NCKAP5: variants seen among roughly 807,000 people sequenced by gnomAD.
NCKAP5 encodes NCK associated protein 5, also known as nck-associated protein 5.
NCKAP5 carries 92 observed loss-of-function variants against 167.0 expected under a neutral mutation model. That is an observed-to-expected ratio of 0.55 (90% CI 0.47 to 0.66). The LOEUF is 0.66. Among genes scored for constraint, NCKAP5 ranks in the 30% least tolerant of loss-of-function variants. The pLI, the probability that NCKAP5 is intolerant of heterozygous loss-of-function variation, is 0.00. For missense variants in NCKAP5, 2,378 were observed against 2,315.0 expected (o/e 1.03, Z -0.56); for synonymous variants, 891 against 877.4 (o/e 1.02, Z -0.27).
intron 3 of NCKAP5, among the ~76,000 whole-genome samples, chr2:133,324,656 C>G (rs972406193): frequency 4.6e-5 from 7 of 152,182 alleles, no homozygotes; most frequent in Non-Finnish European, 8.8e-5. Context: ...CACATGAGCA[C>G]CAGTTGTAAC....
intron 3 of NCKAP5, among the ~76,000 whole-genome samples, chr2:133,490,229 C>T (rs2151346447): frequency 1.3e-5 from 2 of 152,344 alleles, no homozygotes; most frequent in South Asian, 2.1e-4. Flanking sequence ...GCAACCCTCA[C>T]TCTCATTTCC....
intron 8 of NCKAP5, among the ~76,000 whole-genome samples, chr2:132,898,915 T>A (rs1230356753): frequency 1.3e-5 from 2 of 152,238 alleles, no homozygotes; most frequent in South Asian, 4.1e-4. Flanking sequence ...AAATGGTATA[T>A]GAGCATTGGC....
At chr2:132,820,540 G>T (rs1686648337) in intron 11 of NCKAP5, among the ~76,000 whole-genome samples, 1 of 151,430 alleles carries the variant, frequency 6.6e-6, no homozygotes, top group Admixed American at 6.6e-5. Context: ...TGTTTTTTTT[G>T]TTTTTTGTTT....
chr2:133,236,769 A>G (rs1309743433), intron 4 of NCKAP5, among the ~76,000 whole-genome samples: 1 of 152,222 alleles, frequency 6.6e-6, no homozygotes, highest in African/African-American at 2.4e-5. Flanking sequence ...AAGTAAATCC[A>G]ATTAAAATGG....
intron 6 of NCKAP5, among the ~76,000 whole-genome samples, chr2:133,052,900 T>C (rs2079654733): frequency 6.6e-6 from 1 of 151,814 alleles, no homozygotes; most frequent in Non-Finnish European, 1.5e-5. Context: ...TTTTGAAGGG[T>C]AAAAGAAAAT....
At chr2:133,487,402 G>A (rs1386487613) in intron 3 of NCKAP5, among the ~76,000 whole-genome samples, 4 of 152,134 alleles carry the variant, frequency 2.6e-5, no homozygotes, top group Admixed American at 2.0e-4. Context: ...AGTGGGAGCT[G>A]TAAAAGTCAA....
intron 4 of NCKAP5, among the ~76,000 whole-genome samples, chr2:133,250,257 G>T (rs1443309984): frequency 6.6e-6 from 1 of 152,096 alleles, no homozygotes; most frequent in African/African-American, 2.4e-5. Flanking sequence ...ACGTGAGGGT[G>T]AGGCAGCCAG....
At position 132,783,365 on chromosome 2, in the gene NCKAP5, C is replaced by T. The variant is rs1297645193; in HGVS notation, c.3446G>A (p.Gly1149Glu). The change falls in exon 14 of 20, where the codon GGA becomes GAA. Residue 1149 changes from glycine to glutamate, a missense_variant. Transcript: ENST00000409261. ...EKGLKTRLPV[G>E]LKVLMKSPQL... ...GGGAGACTTCATGAGCACTTTGAGT[C>T]CCACTGGAAGGCGAGTTTTCAGTCC... 1 of 1,610,240 alleles carries T rather than the reference C, an allele frequency of 6.2e-7. No homozygotes were observed. Among genetic ancestry groups the T allele is most frequent in the Non-Finnish European group, 8.5e-7 (1 of 1,178,432 alleles).
intron 6 of NCKAP5, among the ~76,000 whole-genome samples, chr2:133,029,688 G>T (rs555503236): frequency 1.7e-4 from 26 of 152,238 alleles, no homozygotes; most frequent in African/African-American, 6.3e-4. Context: ...CCCCTGAAAT[G>T]AGCGCTACTT....
intron 19 of NCKAP5, among the ~76,000 whole-genome samples, chr2:132,688,985 C>CAAAAAA (rs34015551): frequency 7.5e-5 from 5 of 66,314 alleles, no homozygotes; most frequent in Middle Eastern, 0.013. Flanking sequence ...GACACCAACT[C>CAAAAAA]AAAAAAAAAA....
chr2:133,294,989 G>A (rs932280196), intron 4 of NCKAP5, among the ~76,000 whole-genome samples: 7 of 152,308 alleles, frequency 4.6e-5, no homozygotes, highest in African/African-American at 1.7e-4. Context: ...TGGGAAGCAA[G>A]AGTTAAGTCT....
Position 133,030,557 on chromosome 2 carries a change from A to C in NCKAP5, c.342-36318T>G, listed in dbSNP as rs2078846775. 4.6e-5 allele frequency among the ~76,000 whole-genome samples: 7 copies of C among 152,354 alleles called. No individual in the cohort carries two copies. The South Asian group carries it at 1.5e-3, about 32-fold the overall frequency. On this transcript the variant is annotated intron_variant, in intron 6 of 19. Coordinates refer to ENST00000409261, the MANE Select transcript of NCKAP5 (RefSeq NM_207363.3). ...AAGCTTCACCTCTGATTGGAAAAAC[A>C]AGTGACTCAAGGTAAGTACAAAGCA...
At chr2:132,706,145 A>G (rs1320284808) in intron 19 of NCKAP5, among the ~76,000 whole-genome samples, 2 of 152,170 alleles carry the variant, frequency 1.3e-5, no homozygotes, top group East Asian at 1.9e-4. Flanking sequence ...CCTGAATGAA[A>G]TAAGTGTTGG....
At chr2:133,488,495 C>G (rs1472603406) in intron 3 of NCKAP5, among the ~76,000 whole-genome samples, 1 of 152,082 alleles carries the variant, frequency 6.6e-6, no homozygotes, top group Non-Finnish European at 1.5e-5. Flanking sequence ...CTCCCTAGGG[C>G]AACAAACGCA....
At chr2:132,859,444 G>T (rs553500905) in intron 11 of NCKAP5, among the ~76,000 whole-genome samples, 34 of 152,324 alleles carry the variant, frequency 2.2e-4, no homozygotes, top group Non-Finnish European at 4.0e-4. Flanking sequence ...TTGTCCACGT[G>T]TGCTGTCTAC....
chr2:133,263,990 CTA>C (rs2089050696), intron 4 of NCKAP5, among the ~76,000 whole-genome samples: 1 of 152,202 alleles, frequency 6.6e-6, no homozygotes, highest in Admixed American at 6.5e-5. Flanking sequence ...CAACTTTGTG[CTA>C]ACACTTTCAT....
chr2:133,201,895 C>G (rs1018789674), intron 5 of NCKAP5, among the ~76,000 whole-genome samples: 1 of 152,206 alleles, frequency 6.6e-6, no homozygotes, highest in Admixed American at 6.5e-5. Flanking sequence ...AGAACACAAA[C>G]AAATGCAAGA....
rs11899548 is a variant in NCKAP5, at chr2:132,725,494, A to C, written c.5713+133T>G. On this transcript the variant is annotated intron_variant, in intron 19 of 19. Transcript: ENST00000409261. ...AGACAATCTTCTGTATGTACCAGAA[A>C]ATTAGATCTCAGGAGAGACATGAAG... 6.0e-3 allele frequency: 6,751 copies of C among 1,124,720 alleles called. 323 individuals are homozygous for C. In the African/African-American group the frequency reaches 0.096, roughly 16 times the overall value. 69.7% of individuals were successfully genotyped at this position (1,124,720 alleles called of 1,614,324 possible).
At chr2:133,319,726 A>C (rs1016053260) in intron 3 of NCKAP5, among the ~76,000 whole-genome samples, 1 of 152,208 alleles carries the variant, frequency 6.6e-6, no homozygotes, top group Non-Finnish European at 1.5e-5. Flanking sequence ...AGATGTGTTA[A>C]ATCAATTTAG....
Sources: allele counts gnomAD v4.1 joint callset (sites outside exome capture counted in the v4.1 genomes callset), GRCh38; gene constraint gnomAD v4.1.1; transcripts MANE v1.5; gene names NCBI Gene and HGNC (gene_info 2026-07-23, HGNC 2026-07-21).